Variants in CAPZA1 observed in about 807,000 individuals in gnomAD.
CAPZA1 encodes the protein capping actin protein of muscle Z-line subunit alpha 1.
Under a neutral mutation model 40.8 loss-of-function variants are expected in CAPZA1, and 10 were observed. The observed-to-expected ratio is 0.25, with a 90% CI of 0.15 to 0.42. The LOEUF (loss-of-function observed/expected upper bound fraction) is 0.42, where lower values mean the gene tolerates loss of function less well. Ranked by LOEUF, CAPZA1 falls within the 10% of genes least tolerant of loss-of-function variation. The probability of loss-of-function intolerance (pLI) is 1.00; values close to 1 mark genes in which losing one functional copy is unlikely to be tolerated. For synonymous variants in CAPZA1, 98 were observed against 115.0 expected (o/e 0.85, Z 0.95); for missense variants, 277 against 353.8 (o/e 0.78, Z 1.74).
intron 3 of CAPZA1, among the ~76,000 whole-genome samples, chr1:112,652,708 G>A (rs1671418517): frequency 6.6e-6 from 1 of 151,856 alleles, no homozygotes; most frequent in South Asian, 2.1e-4. Flanking sequence ...AAAAAAACTA[G>A]CAGTCTATTT....
intron 1 of CAPZA1, among the ~76,000 whole-genome samples, chr1:112,636,254 C>T (rs1363483302): frequency 2.0e-5 from 3 of 152,068 alleles, no homozygotes; most frequent in African/African-American, 7.2e-5. Context: ...TTTAAACTTT[C>T]AGTACAGATA....
At chr1:112,631,747 C>T (rs917524791) in intron 1 of CAPZA1, among the ~76,000 whole-genome samples, 4 of 151,896 alleles carry the variant, frequency 2.6e-5, no homozygotes, top group African/African-American at 7.3e-5. Flanking sequence ...TTTATTTATT[C>T]TTGGGCAACC....
rs775371505 is a variant in CAPZA1 at position 112,653,635 on chromosome 1, G to A, written c.193G>A (p.Val65Met). The change falls in exon 4 of 10, where the codon GTG (valine) becomes ATG (methionine). Residue 65 changes from valine to methionine, a missense_variant. By Grantham distance (21) the Val-to-Met change is conservative. Transcript: ENST00000263168. ...AQYNMDQFTP[V>M]KIEGYEDQVL... is the part of the protein sequence containing the mutation. ...GTATAACATGGATCAGTTCACGCCT[G>A]TGAAGATAGAAGGATATGAAGATCA... 1.3e-5 allele frequency: 21 copies of A among 1,599,898 alleles called. No individual in the cohort carries two copies. The highest frequency in any genetic ancestry group is 1.7e-5 in the Non-Finnish European group (20 of 1,173,850).
intron 1 of CAPZA1, among the ~76,000 whole-genome samples, chr1:112,625,442 T>C (rs1204237146): frequency 6.6e-6 from 1 of 152,188 alleles, no homozygotes; most frequent in African/African-American, 2.4e-5. Context: ...GGAAAAAGTT[T>C]CCAAGGCATG....
chr1:112,664,299 TC>T lies in CAPZA1; in HGVS notation c.586-2773del, dbSNP rs753391686. 2.0e-4 allele frequency among the ~76,000 whole-genome samples: 30 copies of T among 151,820 alleles called. 1 individual carries two copies. The East Asian group carries it at 4.4e-3, about 22-fold the overall frequency. On this transcript the variant is annotated intron_variant, in intron 7 of 9. Coordinates refer to ENST00000263168, the MANE Select transcript of CAPZA1 (RefSeq NM_006135.3). ...AAGGATAGGTAGGGGGTTCTTGTTA[TC>T]CAGGAAAGTCTTTTTGTTGCAAATA...
At chr1:112,653,065 A>G (rs1179150305) in intron 3 of CAPZA1, among the ~76,000 whole-genome samples, 1 of 152,192 alleles carries the variant, frequency 6.6e-6, no homozygotes, top group Non-Finnish European at 1.5e-5. Flanking sequence ...GCCAAGAAAA[A>G]AGATCATTTC....
intron 7 of CAPZA1, among the ~76,000 whole-genome samples, chr1:112,660,425 C>T (rs1220598814): frequency 5.9e-5 from 9 of 152,180 alleles, no homozygotes; most frequent in Admixed American, 5.9e-4. Flanking sequence ...GGATTACAGG[C>T]ATGCGCCATC....
At chr1:112,641,760 G>T (rs1204646046) in intron 1 of CAPZA1, among the ~76,000 whole-genome samples, 1 of 151,586 alleles carries the variant, frequency 6.6e-6, no homozygotes, top group Non-Finnish European at 1.5e-5. Flanking sequence ...CTTATGGCAC[G>T]TTCCTGTAAT....
At chr1:112,665,179 T>G (rs1232525810) in intron 7 of CAPZA1, among the ~76,000 whole-genome samples, 1 of 12,124 alleles carries the variant, frequency 8.2e-5, no homozygotes, top group Non-Finnish European at 2.2e-4. Context: ...TTTTTTTGTG[T>G]TTTTTTTTTT....
At chr1:112,630,674 T>C (rs1670903653) in intron 1 of CAPZA1, among the ~76,000 whole-genome samples, 1 of 152,030 alleles carries the variant, frequency 6.6e-6, no homozygotes, top group Non-Finnish European at 1.5e-5. Flanking sequence ...GAGACATCAT[T>C]GTGTCCCATG....
chr1:112,665,475 C>T (rs1041696277), intron 7 of CAPZA1, among the ~76,000 whole-genome samples: 1 of 152,080 alleles, frequency 6.6e-6, no homozygotes, highest in East Asian at 1.9e-4. Context: ...CCACCGCGCC[C>T]GGCCTTGTTT....
chr1:112,664,601 G>A (rs184653522), intron 7 of CAPZA1, among the ~76,000 whole-genome samples: 1 of 152,252 alleles, frequency 6.6e-6, no homozygotes, highest in East Asian at 1.9e-4. Flanking sequence ...CTGTAAAATA[G>A]GGTTAGTCGT....
intron 5 of CAPZA1, 111 bp downstream of exon 5, chr1:112,654,782 TCTC>T (rs1671466256): frequency 3.3e-6 from 2 of 614,198 alleles, no homozygotes; most frequent in Non-Finnish European, 5.5e-6. Flanking sequence ...CATGCTCTCT[TCTC>T]CTCTGCATTT....
intron 1 of CAPZA1, 173 bp downstream of exon 1, chr1:112,620,056 A>G (rs780986846): frequency 8.8e-5 from 50 of 567,962 alleles, no homozygotes; most frequent in Non-Finnish European, 1.5e-4. Context: ...CCTCTGCCTC[A>G]CGGTGGCCCC....
intron 1 of CAPZA1, among the ~76,000 whole-genome samples, chr1:112,621,778 T>G (rs944691679): frequency 3.3e-5 from 5 of 150,740 alleles, no homozygotes; most frequent in Admixed American, 6.6e-5. Context: ...TTTTTTTTTT[T>G]TGAGATGGAG....
intron 1 of CAPZA1, among the ~76,000 whole-genome samples, chr1:112,641,560 T>A (rs917727142): frequency 2.0e-5 from 3 of 149,942 alleles, no homozygotes; most frequent in African/African-American, 7.4e-5. Flanking sequence ...AAAAACTGAA[T>A]TTTTTTTTTA....
chr1:112,625,499 G>A (rs1462047958), intron 1 of CAPZA1, among the ~76,000 whole-genome samples: 2 of 152,196 alleles, frequency 1.3e-5, no homozygotes, highest in Non-Finnish European at 2.9e-5. Context: ...AGATTAGGAC[G>A]GAGAAAACAG....
chr1:112,625,377 G>A (rs1409360843), intron 1 of CAPZA1, among the ~76,000 whole-genome samples: 4 of 152,062 alleles, frequency 2.6e-5, no homozygotes, highest in African/African-American at 4.8e-5. Flanking sequence ...CTCCTTTAGC[G>A]ATCAGATTAA....
At chr1:112,662,460 A>G (rs925137088) in intron 7 of CAPZA1, among the ~76,000 whole-genome samples, 1 of 132,088 alleles carries the variant, frequency 7.6e-6, no homozygotes, top group Non-Finnish European at 1.5e-5. Context: ...GTGCAGTGGC[A>G]GGATCTCGGC....
Sources: allele counts gnomAD v4.1 joint callset (sites outside exome capture counted in the v4.1 genomes callset), GRCh38; gene constraint gnomAD v4.1.1; transcripts MANE v1.5; gene names NCBI Gene and HGNC (gene_info 2026-07-23, HGNC 2026-07-21).